Variants in DNAH12 observed in about 807,000 individuals in gnomAD.
DNAH12 encodes axonemal beta dynein heavy chain 12.
In DNAH12, 285 loss-of-function variants were observed where a neutral mutation model predicts 371.5. That is an observed-to-expected ratio of 0.77 (90% CI 0.70 to 0.85). DNAH12 has a LOEUF of 0.85. Ranked by LOEUF, DNAH12 falls within the 40% of genes least tolerant of loss-of-function variation. The pLI, the probability that DNAH12 is intolerant of heterozygous loss-of-function variation, is 0.00. For synonymous variants in DNAH12, 1,200 were observed against 1,213.0 expected, an observed-to-expected ratio of 0.99 and a Z score of 0.22; for missense variants, 3,611 against 3,689.4, an observed-to-expected ratio of 0.98 and a Z score of 0.55.
chr3:57,466,433 C>T (rs1559690425), intron 17 of DNAH12, among the ~76,000 whole-genome samples: 4 of 152,216 alleles, frequency 2.6e-5, no homozygotes, highest in African/African-American at 4.8e-5. Flanking sequence ...AAAAATCAGA[C>T]GGCCATGGAA....
intron 60 of DNAH12, among the ~76,000 whole-genome samples, chr3:57,343,338 T>TACTTTGACCCAACC (rs1244309493): frequency 2.6e-5 from 4 of 152,192 alleles, no homozygotes; most frequent in Non-Finnish European, 5.9e-5. Flanking sequence ...TTGACCCAAC[T>TACTTTGACCCAACC]ACTTTGACCC....
At chr3:57,404,179 T>C (rs1189657283) in intron 42 of DNAH12, among the ~76,000 whole-genome samples, 2 of 152,118 alleles carry the variant, frequency 1.3e-5, no homozygotes, top group Non-Finnish European at 2.9e-5. Context: ...TTTTTTATAA[T>C]AGCAAAAACT....
intron 25 of DNAH12, among the ~76,000 whole-genome samples, chr3:57,447,938 G>C (rs1173710706): frequency 6.6e-6 from 1 of 152,130 alleles, no homozygotes; most frequent in Non-Finnish European, 1.5e-5. Flanking sequence ...GTCTCCCAAA[G>C]TCCTGGGATT....
intron 65 of DNAH12, among the ~76,000 whole-genome samples, chr3:57,320,587 C>A (rs1328040957): frequency 6.6e-6 from 1 of 150,860 alleles, no homozygotes; most frequent in East Asian, 2.0e-4. Flanking sequence ...TTTCTGGAAG[C>A]CTCAGTGGAA....
intron 43 of DNAH12, among the ~76,000 whole-genome samples, chr3:57,403,101 T>TA (rs1192210819): frequency 1.3e-5 from 2 of 152,134 alleles, no homozygotes; most frequent in African/African-American, 4.8e-5. Context: ...GCTGTGCCTA[T>TA]AGAATGAGAT....
chr3:57,405,771 C>T lies in DNAH12; in HGVS notation c.6458G>A (p.Arg2153His), dbSNP rs528403280. 31 of 1,551,606 alleles carry T rather than the reference C, an allele frequency of 2.0e-5. No individual in the cohort carries two copies. The East Asian group carries it at 2.9e-4, about 15-fold the overall frequency. The change falls in exon 41 of 74, where the codon CGC becomes CAC. Residue 2153 changes from arginine (R) to histidine (H), a missense_variant. Physicochemically the swap from Arg to His is conservative, Grantham distance 29. Around this residue, in one of 3 missense-constraint regions of DNAH12, gnomAD observed 2,266 missense variants for 2,236.9 expected, o/e 1.01. Coordinates refer to ENST00000495027, the MANE Select transcript of DNAH12 (RefSeq NM_001366028.2). The stretch of plus-strand genomic sequence containing the variant: ...TCTTCGATCATCATCATTAATGAGG[C>T]GATCATAAAACACTCGGAGAACCTC... ...VHEVLRVFYDRLINDDDRRWL... is the reference protein window; with the variant it reads ...VHEVLRVFYDHLINDDDRRWL...
chr3:57,473,211 G>A (rs2066417692), intron 13 of DNAH12, among the ~76,000 whole-genome samples: 1 of 152,138 alleles, frequency 6.6e-6, no homozygotes, highest in Non-Finnish European at 1.5e-5. Flanking sequence ...AGTTGGCCAG[G>A]TACGGTAGCT....
At position 57,507,659 on chromosome 3, in the gene DNAH12, G is replaced by A. The variant is rs571563770; in HGVS notation, c.881C>T (p.Thr294Ile). The change falls in exon 8 of 74, where the codon ACA becomes ATA. Residue 294 changes from threonine (T) to isoleucine (I), a missense_variant. By Grantham distance (89) the Thr-to-Ile change is moderately conservative. Transcript: ENST00000495027. ...KLDAFYSCVS[T>I]LMSNQLKDLL... ...TGTATGTACCTGATTTGACATAAGT[G>A]TGGAAACACAGCTATAAAATGCATC... is the stretch of plus-strand genomic sequence containing the variant. 1 of 1,603,770 alleles carries A rather than the reference G, an allele frequency of 6.2e-7. No homozygotes were observed. Among genetic ancestry groups the A allele is most frequent in the South Asian group, 1.1e-5 (1 of 88,308 alleles).
chr3:57,477,075 G>A (rs1234839245), intron 13 of DNAH12, among the ~76,000 whole-genome samples: 1 of 152,096 alleles, frequency 6.6e-6, no homozygotes, highest in African/African-American at 2.4e-5. Context: ...CGGAAAGTAG[G>A]TGCAGGTCAG....
Position 57,543,315 on chromosome 3 carries a change from GTTTTTTTTTTT to G in DNAH12, c.-33-423_-33-413del, listed in dbSNP as rs5849214. 2.4e-4 allele frequency among the ~76,000 whole-genome samples: 17 copies of G among 70,288 alleles called. No homozygotes were observed. In the South Asian group the frequency reaches 0.011, roughly 46 times the overall value. 46.1% of individuals were successfully genotyped at this position (70,288 alleles called of 152,430 possible). ...AAGCTGATATTTAACATCATTAATG[GTTTTTTTTTTT>G]TTTTTTTTTTTTTTGAGACAGATTC... On this transcript the variant is annotated intron_variant, in intron 1 of 73. Coordinates refer to ENST00000495027, the MANE Select transcript of DNAH12 (RefSeq NM_001366028.2).
intron 9 of DNAH12, 54 bp downstream of exon 9, chr3:57,503,962 G>C (rs1005888139): frequency 7.0e-7 from 1 of 1,430,044 alleles, no homozygotes; most frequent in African/African-American, 1.4e-5. Context: ...ACACTGCATA[G>C]AGATTCAATT....
chr3:57,314,497 C>G lies in DNAH12; in HGVS notation c.10659G>C (p.Leu3553=), dbSNP rs766934256. 1.9e-6 allele frequency: 3 copies of G among 1,550,874 alleles called. No homozygotes were observed. In the South Asian group the frequency reaches 3.6e-5, roughly 19 times the overall value. ...GTTAATTTCTTGTTAATTTTACCTGCAGTTGTCGGATACTGATGCGCAAGT... is the reference window on the plus strand; with the variant it reads ...GTTAATTTCTTGTTAATTTTACCTGGAGTTGTCGGATACTGATGCGCAAGT... ...ESDLRISIRQ[L]QLFINEYDTI... is the part of the protein sequence containing the mutation. Residue 3553 remains leucine (L), a synonymous_variant, in exon 66 of 74, where the codon CTG becomes CTC. Transcript: ENST00000495027.
At chr3:57,549,789 A>G in the DNAH12 span, among the ~76,000 whole-genome samples, 12 of 151,476 alleles carry the variant, frequency 7.9e-5, no homozygotes, top group African/African-American at 2.9e-4. Context: ...ATGCCCAGCT[A>G]ATTTTTGTAT....
chr3:57,455,630 G>A (rs2065882728), intron 22 of DNAH12, among the ~76,000 whole-genome samples: 1 of 152,064 alleles, frequency 6.6e-6, no homozygotes, highest in Non-Finnish European at 1.5e-5. Flanking sequence ...TTGATGCCAA[G>A]ATTTAATTGA....
chr3:57,383,759 TA>T (rs1276621133), intron 49 of DNAH12, among the ~76,000 whole-genome samples: 16,181 of 132,338 alleles, frequency 0.12, 1,393 homozygotes, highest in East Asian at 0.51. Context: ...GACCCTGTCT[TA>T]AAAAAAAAAA....
At chr3:57,452,353 C>T (rs1465479138) in intron 25 of DNAH12, among the ~76,000 whole-genome samples, 3 of 151,948 alleles carry the variant, frequency 2.0e-5, no homozygotes, top group South Asian at 4.2e-4. Flanking sequence ...GTATTTTATC[C>T]GGCAACCACA....
At chr3:57,523,510 G>A (rs947383175) in intron 4 of DNAH12, 73 bp downstream of exon 4, 1 of 1,268,218 alleles carries the variant, frequency 7.9e-7, no homozygotes, top group Non-Finnish European at 1.1e-6. Flanking sequence ...TTAGCAGGTG[G>A]TCTTAGATGA....
At chr3:57,360,228 C>T (rs2062894172) in intron 58 of DNAH12, among the ~76,000 whole-genome samples, 1 of 152,050 alleles carries the variant, frequency 6.6e-6, no homozygotes, top group Non-Finnish European at 1.5e-5. Flanking sequence ...AGACTGGGGG[C>T]TGCCACAGAA....
chr3:57,428,326 C>T, intron 34 of DNAH12: 2 of 1,102,308 alleles, frequency 1.8e-6, no homozygotes. Context: ...TATTGAATAA[C>T]TCATAAACTC....
Sources: allele counts gnomAD v4.1 joint callset (sites outside exome capture counted in the v4.1 genomes callset), GRCh38; gene constraint gnomAD v4.1.1; regional missense constraint gnomAD v4.1.1; transcripts MANE v1.5; gene names NCBI Gene and HGNC (gene_info 2026-07-23, HGNC 2026-07-21).